The following LRBA variants were observed in gnomAD, a reference collection of about 807,000 sequenced individuals.
LRBA encodes lipopolysaccharide-responsive and beige-like anchor protein.
Under a neutral mutation model 330.0 loss-of-function variants are expected in LRBA, and 176 were observed. That is an observed-to-expected ratio of 0.53 (90% CI 0.47 to 0.60). The LOEUF (loss-of-function observed/expected upper bound fraction) is 0.60, where lower values mean the gene tolerates loss of function less well. Among genes scored for constraint, LRBA ranks in the 20% least tolerant of loss-of-function variants. The pLI, the probability that LRBA is intolerant of heterozygous loss-of-function variation, is 0.00. For synonymous variants in LRBA, 1,230 were observed against 1,193.0 expected, an observed-to-expected ratio of 1.03 and a Z score of -0.64; for missense variants, 3,259 against 3,444.8, an observed-to-expected ratio of 0.95 and a Z score of 1.35.
chr4:150,454,372 A>G (rs1194232520), intron 44 of LRBA, among the ~76,000 whole-genome samples: 3 of 152,142 alleles, frequency 2.0e-5, no homozygotes, highest in Non-Finnish European at 2.9e-5. Context: ...GATGCCCTAA[A>G]GAAGGCAATA....
intron 17 of LRBA, among the ~76,000 whole-genome samples, chr4:150,878,467 C>T (rs1225292792): frequency 6.6e-6 from 1 of 151,696 alleles, no homozygotes; most frequent in African/African-American, 2.4e-5. Context: ...CCCAAAGCTA[C>T]CAGAAGAAAA....
intron 36 of LRBA, among the ~76,000 whole-genome samples, chr4:150,687,559 G>A (rs2126936044): frequency 6.6e-6 from 1 of 151,876 alleles, no homozygotes; most frequent in East Asian, 1.9e-4. Flanking sequence ...TAAGCATTTG[G>A]GGAACAATTC....
intron 22 of LRBA, among the ~76,000 whole-genome samples, chr4:150,855,277 T>C (rs1019047929): frequency 2.0e-5 from 3 of 152,046 alleles, no homozygotes; most frequent in African/African-American, 7.2e-5. Flanking sequence ...AAAATAAGAC[T>C]GGTTAGCCTA....
chr4:150,322,772 C>G (rs940559985), intron 49 of LRBA, among the ~76,000 whole-genome samples: 1 of 152,278 alleles, frequency 6.6e-6, no homozygotes, highest in East Asian at 1.9e-4. Context: ...TCCCTGGATG[C>G]TCATTCAATT....
chr4:150,626,141 G>A (rs574062767), intron 37 of LRBA, among the ~76,000 whole-genome samples: 1 of 152,206 alleles, frequency 6.6e-6, no homozygotes, highest in African/African-American at 2.4e-5. Context: ...GGAAACTTGG[G>A]TATTTAACAC....
At chr4:150,763,086 G>A (rs1490175778) in intron 34 of LRBA, among the ~76,000 whole-genome samples, 2 of 151,904 alleles carry the variant, frequency 1.3e-5, no homozygotes, top group Non-Finnish European at 2.9e-5. Flanking sequence ...TTTATGAATA[G>A]TATTAGTATA....
Position 150,282,432 on chromosome 4 carries a change from A to G in LRBA, c.8316+18T>C, listed in dbSNP as rs768902434. 6.9e-6 allele frequency: 11 copies of G among 1,605,554 alleles called. No individual in the cohort carries two copies. Among genetic ancestry groups the G allele is most frequent in the Non-Finnish European group, 9.4e-6 (11 of 1,176,242 alleles). ...GAGGTAAAAGTCGTGAATGCTGAAGAGTCCCCAGGGCACTCACTCTTATGT... is the reference window on the plus strand; with the variant it reads ...GAGGTAAAAGTCGTGAATGCTGAAGGGTCCCCAGGGCACTCACTCTTATGT... On this transcript the variant is annotated intron_variant, in intron 55 of 56. Coordinates refer to ENST00000651943, the MANE Select transcript of LRBA (RefSeq NM_001364905.1).
chr4:150,540,812 C>T (rs1765239648), intron 40 of LRBA, among the ~76,000 whole-genome samples: 1 of 152,098 alleles, frequency 6.6e-6, no homozygotes, highest in African/African-American at 2.4e-5. Flanking sequence ...GAACATCTTG[C>T]TTAGAAACTA....
intron 2 of LRBA, among the ~76,000 whole-genome samples, chr4:150,944,488 AT>A (rs773101393): frequency 3.3e-5 from 5 of 152,190 alleles, no homozygotes; most frequent in Non-Finnish European, 7.3e-5. Flanking sequence ...GTATTTAATT[AT>A]TTGTGACAGT....
In LRBA at chr4:150,265,201, CTTAA is replaced by C. The variant is rs1416879517; in HGVS notation, c.*517_*520del. The C allele has an allele frequency of 6.5e-6, 1 of 154,958 alleles. No homozygotes were observed. Among genetic ancestry groups the C allele is most frequent in the Admixed American group, 6.3e-5 (1 of 15,788 alleles). 9.6% of individuals were successfully genotyped at this position (154,958 alleles called of 1,614,324 possible). A position where few individuals can be genotyped will look rare whatever the true frequency, so the allele number is the denominator to read the frequency against. ...TTGAAGAACAATATTGATAGACAGACTTAATTGAGATGTTTTAAATTACATTTAC... is the reference window on the plus strand; with the variant it reads ...TTGAAGAACAATATTGATAGACAGACTTGAGATGTTTTAAATTACATTTAC... On this transcript the variant is annotated 3_prime_UTR_variant, in exon 57 of 57. Coordinates refer to ENST00000651943, the MANE Select transcript of LRBA (RefSeq NM_001364905.1).
In LRBA at chr4:150,364,232, A is replaced by C. The variant is rs180705069; in HGVS notation, c.7195-14073T>G. Among the ~76,000 whole-genome samples the C allele has an allele frequency of 1.4e-4, 22 of 152,356 alleles. No homozygotes were observed. The South Asian group carries it at 4.3e-3, about 30-fold the overall frequency. ...GGGGAAATGCACTGTCCAACTAAAC[A>C]ACCACCACCACACTATAACAATACC... On this transcript the variant is annotated intron_variant, in intron 47 of 56. Transcript: ENST00000651943.
chr4:150,409,670 G>A (rs2151943038), intron 47 of LRBA, among the ~76,000 whole-genome samples: 1 of 152,176 alleles, frequency 6.6e-6, no homozygotes, highest in East Asian at 1.9e-4. Flanking sequence ...ACAAAACAAA[G>A]TAAACCTACT....
At chr4:150,919,558 T>A (rs1733019836) in intron 5 of LRBA, among the ~76,000 whole-genome samples, 1 of 152,094 alleles carries the variant, frequency 6.6e-6, no homozygotes, top group Non-Finnish European at 1.5e-5. Flanking sequence ...GAACGTTGCA[T>A]TAAACGTTGC....
chr4:150,712,809 C>T (rs1232065729), intron 36 of LRBA, among the ~76,000 whole-genome samples: 1 of 152,130 alleles, frequency 6.6e-6, no homozygotes, highest in Non-Finnish European at 1.5e-5. Context: ...AAAGAGATTC[C>T]TACTTAATAA....
At chr4:150,332,197 C>T (rs72734403) in intron 48 of LRBA, among the ~76,000 whole-genome samples, 26,468 of 152,084 alleles carry the variant, frequency 0.17, 2,782 homozygotes, top group East Asian at 0.26. Flanking sequence ...CATTTCACCA[C>T]TCTATAATGT....
chr4:150,555,752 TAA>T (rs1166958224), intron 40 of LRBA, among the ~76,000 whole-genome samples: 39 of 103,616 alleles, frequency 3.8e-4, no homozygotes, highest in African/African-American at 1.4e-3. Flanking sequence ...CTCTGTCTTA[TAA>T]AAACACACAC....
intron 2 of LRBA, among the ~76,000 whole-genome samples, chr4:150,976,451 A>G (rs746941630): frequency 6.6e-6 from 1 of 152,168 alleles, no homozygotes; most frequent in Non-Finnish European, 1.5e-5. Flanking sequence ...GCAAAAAATT[A>G]AGTAGTCAGA....
chr4:150,648,345 G>A (rs1417892766), intron 37 of LRBA, among the ~76,000 whole-genome samples: 1 of 151,690 alleles, frequency 6.6e-6, no homozygotes, highest in African/African-American at 2.4e-5. Flanking sequence ...ACAGCAAGAG[G>A]CTGACGGATG....
chr4:150,672,353 T>A, intron 37 of LRBA, among the ~76,000 whole-genome samples: 1 of 140,366 alleles, frequency 7.1e-6, no homozygotes, highest in South Asian at 2.3e-4. Context: ...CGATTTTTTC[T>A]TTTTTTTTTT....
Sources: allele counts gnomAD v4.1 joint callset (sites outside exome capture counted in the v4.1 genomes callset), GRCh38; gene constraint gnomAD v4.1.1; transcripts MANE v1.5; gene names NCBI Gene and HGNC (gene_info 2026-07-23, HGNC 2026-07-21).